The following RBFOX1 variants were observed in gnomAD, a reference collection of about 807,000 sequenced individuals.
RBFOX1 encodes the protein RNA binding protein fox-1 homolog 1.
Under a neutral mutation model 57.7 loss-of-function variants are expected in RBFOX1, and 8 were observed. That is an observed-to-expected ratio of 0.14 (90% CI 0.08 to 0.25). RBFOX1 has a LOEUF of 0.25. Ranked by LOEUF, RBFOX1 falls within the 10% of genes least tolerant of loss-of-function variation. The pLI, the probability that RBFOX1 is intolerant of heterozygous loss-of-function variation, is 1.00. For missense variants in RBFOX1, 611 were observed against 548.5 expected (o/e 1.11, Z -1.14); for synonymous variants, 326 against 222.4 (o/e 1.47, Z -4.15).
intron 3 of RBFOX1, among the ~76,000 whole-genome samples, chr16:6,699,918 G>T (rs748414490): frequency 1.3e-5 from 2 of 152,212 alleles, no homozygotes; most frequent in African/African-American, 4.8e-5. Flanking sequence ...TGTTAAATTT[G>T]TGGACAGGTA....
chr16:6,413,997 C>T (rs181154571), intron 2 of RBFOX1, among the ~76,000 whole-genome samples: 5 of 152,202 alleles, frequency 3.3e-5, no homozygotes, highest in Non-Finnish European at 5.9e-5. Context: ...TGCACATAGA[C>T]GAGAAGGAAA....
At chr16:5,848,390 G>T (rs1237859631) in intron 3 of RBFOX1, among the ~76,000 whole-genome samples, 1 of 152,068 alleles carries the variant, frequency 6.6e-6, no homozygotes, top group Non-Finnish European at 1.5e-5. Context: ...CCCCACTGAG[G>T]TTAACAGGGG....
rs77904542 is a variant in RBFOX1 at position 5,379,032 on chromosome 16, T to A, written c.220-88184T>A. Among the ~76,000 whole-genome samples, 545 of 151,300 alleles carry A rather than the reference T, an allele frequency of 3.6e-3. 1 individual carries two copies. The highest frequency in any genetic ancestry group is 0.02 in the Middle Eastern group (6 of 294). ...CACAGTTTTCCACCAATGTATTAGG[T>A]TGGCACAAAAGTAATTGCAGTTTTT... On this transcript the variant is annotated intron_variant, in intron 1 of 2. Coordinates refer to the RBFOX1 transcript ENST00000585867.
chr16:6,166,637 G>A (rs2096919491), intron 1 of RBFOX1, among the ~76,000 whole-genome samples: 1 of 152,104 alleles, frequency 6.6e-6, no homozygotes, highest in Non-Finnish European at 1.5e-5. Flanking sequence ...CTTACTCTGA[G>A]CATAACGCCG....
At chr16:5,617,103 T>TTCCCTCCCTCCGTCCG (rs1555483894) in intron 3 of RBFOX1, among the ~76,000 whole-genome samples, 4 of 151,568 alleles carry the variant, frequency 2.6e-5, no homozygotes, top group Non-Finnish European at 4.4e-5. Context: ...CACTCCCTCC[T>TTCCCTCCCTCCGTCCG]TCCCTCCCTC....
chr16:7,485,393 T>C (rs1477813288), intron 4 of RBFOX1, among the ~76,000 whole-genome samples: 1 of 152,262 alleles, frequency 6.6e-6, no homozygotes, highest in Non-Finnish European at 1.5e-5. Context: ...CTTGTACTTT[T>C]ATTTTCTCCT....
intron 1 of RBFOX1, among the ~76,000 whole-genome samples, chr16:6,203,645 C>T (rs1411713582): frequency 6.6e-6 from 1 of 152,188 alleles, no homozygotes; most frequent in Non-Finnish European, 1.5e-5. Context: ...TCACCGCACA[C>T]TTATTGGGAG....
At chr16:6,586,362 C>G (rs1270956655) in intron 2 of RBFOX1, among the ~76,000 whole-genome samples, 1 of 152,192 alleles carries the variant, frequency 6.6e-6, no homozygotes, top group Non-Finnish European at 1.5e-5. Flanking sequence ...AAACCAGCAG[C>G]ATAAATGGAC....
At chr16:7,150,092 C>T (rs931650643) in intron 4 of RBFOX1, among the ~76,000 whole-genome samples, 2 of 152,192 alleles carry the variant, frequency 1.3e-5, no homozygotes, top group Non-Finnish European at 2.9e-5. Context: ...CTGTTCTTCC[C>T]TCTCTCTTTC....
chr16:6,905,333 C>A (rs2069576548), intron 3 of RBFOX1, among the ~76,000 whole-genome samples: 2 of 151,944 alleles, frequency 1.3e-5, no homozygotes, highest in African/African-American at 2.4e-5. Context: ...GCAGGTGGAT[C>A]CCCTGAGGTT....
At chr16:7,229,621 T>G (rs1474761278) in intron 4 of RBFOX1, among the ~76,000 whole-genome samples, 131 of 53,452 alleles carry the variant, frequency 2.5e-3, no homozygotes, top group African/African-American at 4.0e-3. Flanking sequence ...AGAAGAAAGA[T>G]GGAGGGAGGG....
At chr16:7,136,270 G>A (rs931462489) in intron 4 of RBFOX1, among the ~76,000 whole-genome samples, 1 of 152,080 alleles carries the variant, frequency 6.6e-6, no homozygotes, top group East Asian at 1.9e-4. Flanking sequence ...ATTAATTAAA[G>A]TTTAATGAAA....
intron 3 of RBFOX1, among the ~76,000 whole-genome samples, chr16:6,865,548 G>A (rs34574382): frequency 6.6e-6 from 1 of 152,030 alleles, no homozygotes; most frequent in African/African-American, 2.4e-5. Flanking sequence ...ATTGTATCAG[G>A]TGGTAGAAAT....
intron 2 of RBFOX1, among the ~76,000 whole-genome samples, chr16:6,383,708 T>A (rs1192495818): frequency 1.3e-5 from 2 of 151,910 alleles, no homozygotes; most frequent in African/African-American, 4.8e-5. Context: ...AGACAGAGGT[T>A]GCAGTGAGCC....
chr16:7,149,258 G>C (rs767278447), intron 4 of RBFOX1, among the ~76,000 whole-genome samples: 7 of 152,052 alleles, frequency 4.6e-5, no homozygotes, highest in African/African-American at 7.2e-5. Context: ...GGAAGAGAGA[G>C]TTGCAATATG....
chr16:5,771,789 G>C (rs1189687826), intron 3 of RBFOX1, among the ~76,000 whole-genome samples: 1 of 152,214 alleles, frequency 6.6e-6, no homozygotes, highest in Admixed American at 6.5e-5. Flanking sequence ...TGTAGGTGCA[G>C]TGTTTGTGTG....
chr16:5,585,245 A>C (rs1009491124), intron 2 of RBFOX1, among the ~76,000 whole-genome samples: 3 of 152,112 alleles, frequency 2.0e-5, no homozygotes, highest in African/African-American at 7.2e-5. Flanking sequence ...GATATTTCAC[A>C]TCAGTAAAAT....
intron 3 of RBFOX1, among the ~76,000 whole-genome samples, chr16:6,660,224 TA>T (rs112347010): frequency 0.07 from 8,608 of 122,570 alleles, 460 homozygotes; most frequent in African/African-American, 0.15. Context: ...GACTTCATCT[TA>T]AAAAAAAAAA....
intron 3 of RBFOX1, among the ~76,000 whole-genome samples, chr16:5,748,401 C>T (rs2053066814): frequency 6.6e-6 from 1 of 152,146 alleles, no homozygotes; most frequent in East Asian, 1.9e-4. Flanking sequence ...CTGCTTGGTG[C>T]AGAGCTGAGT....
Sources: gnomAD v4.1 joint callset for allele counts (sites outside exome capture counted in the v4.1 genomes callset) on GRCh38, gnomAD v4.1.1 for gene constraint, MANE v1.5 for transcripts, NCBI Gene and HGNC (gene_info 2026-07-23, HGNC 2026-07-21) for gene names.